The following WDR72 variants were observed in gnomAD, a reference collection of about 807,000 sequenced individuals.
WDR72 encodes the protein WD repeat domain 72.
In WDR72, 120 loss-of-function variants were observed where a neutral mutation model predicts 124.2. The observed-to-expected ratio is 0.97, with a 90% CI of 0.83 to 1.12. The LOEUF (loss-of-function observed/expected upper bound fraction) is 1.12, where lower values mean the gene tolerates loss of function less well. Among genes scored for constraint, WDR72 ranks in the 50% most tolerant of loss-of-function variants. The pLI is 0.00. For missense variants in WDR72, 1,387 were observed against 1,278.8 expected (o/e 1.08, Z -1.29); for synonymous variants, 452 against 441.7 (o/e 1.02, Z -0.29).
chr15:53,642,334 C>T lies in WDR72; in HGVS notation c.1962+23238G>A, dbSNP rs965402454. On this transcript the variant is annotated intron_variant, in intron 14 of 19. Coordinates refer to ENST00000360509, the MANE Select transcript of WDR72 (RefSeq NM_182758.4). ...TCTAACCAGGGTAGATCTTTATGTA[C>T]TGATACTGAAAGATGTCTGCCAAAT... Among the ~76,000 whole-genome samples the T allele has an allele frequency of 2.6e-5, 4 of 151,956 alleles. No homozygotes were observed. In the East Asian group the frequency reaches 5.8e-4, roughly 22 times the overall value.
At chr15:53,611,180 T>C (rs925832883) in intron 16 of WDR72, among the ~76,000 whole-genome samples, 82 of 152,176 alleles carry the variant, frequency 5.4e-4, no homozygotes, top group Non-Finnish European at 9.6e-4. Context: ...TTTTATTCTT[T>C]AGGATTTGGC....
chr15:53,634,273 C>T (rs755796237), intron 14 of WDR72, among the ~76,000 whole-genome samples: 6 of 152,120 alleles, frequency 3.9e-5, no homozygotes, highest in Non-Finnish European at 5.9e-5. Context: ...ACAGTGAATT[C>T]CCTGGGTTTT....
In WDR72 at chr15:53,706,539, G is replaced by A. The variant is rs544321222; in HGVS notation, c.955-465C>T. ...ATGAAGAGATTGATTTGTCTAAGGC[G>A]ATTAGAAGAAGCAATGGGCTTTGAG... is the stretch of plus-strand genomic sequence containing the variant. On this transcript the variant is annotated intron_variant, in intron 9 of 19. Coordinates refer to ENST00000360509, the MANE Select transcript of WDR72 (RefSeq NM_182758.4). 2.4e-4 allele frequency among the ~76,000 whole-genome samples: 36 copies of A among 151,552 alleles called. No individual in the cohort carries two copies. In the South Asian group the frequency reaches 2.7e-3, roughly 11 times the overall value.
Position 53,608,509 on chromosome 15 carries a change from C to CT in WDR72, c.2952+1003dup, listed in dbSNP as rs547599792. Among the ~76,000 whole-genome samples the CT allele has an allele frequency of 4.7e-3, 709 of 152,228 alleles. 5 individuals are homozygous for CT. The highest frequency in any genetic ancestry group is 0.016 in the African/African-American group (678 of 41,548). Reference sequence around the variant, plus strand: ...ATGGCACACACTTGTAATCCTAGCACTTTGGAAGGCTGAGGTGGGAGGATC... The same window carrying CT: ...ATGGCACACACTTGTAATCCTAGCACTTTTGGAAGGCTGAGGTGGGAGGATC... On this transcript the variant is annotated intron_variant, in intron 17 of 19. Coordinates refer to ENST00000360509, the MANE Select transcript of WDR72 (RefSeq NM_182758.4).
rs145288193 is a variant in WDR72 at position 53,711,410 on chromosome 15, T to C, written c.783A>G (p.Gly261=). ...GGATTCTGTGAGCAGCAATCACTTCTCCACCAGCAAAGAACTGCCCATTTC... is the reference window on the plus strand; with the variant it reads ...GGATTCTGTGAGCAGCAATCACTTCCCCACCAGCAAAGAACTGCCCATTTC... ...VSRNGQFFAG[G]EVIAAHRILI... The change falls in exon 8 of 20, where the codon GGA becomes GGG. Residue 261 remains glycine (G), a synonymous_variant. Transcript: ENST00000360509. 23 of 1,614,042 alleles carry C rather than the reference T, an allele frequency of 1.4e-5. No individual in the cohort carries two copies. The highest frequency in any genetic ancestry group is 1.9e-5 in the Non-Finnish European group (22 of 1,180,034).
Position 53,515,038 on chromosome 15 carries a change from TGTG to T in WDR72, c.*2658_*2660del, listed in dbSNP as rs1891369599. On this transcript the variant is annotated 3_prime_UTR_variant, in exon 20 of 20. Coordinates refer to ENST00000360509, the MANE Select transcript of WDR72 (RefSeq NM_182758.4). ...ATATATATATATACACACATATATA[TGTG>T]TATATATATGTGTGTATATATATAC... 7.5e-5 allele frequency: 11 copies of T among 145,994 alleles called. No homozygotes were observed. Among genetic ancestry groups the T allele is most frequent in the African/African-American group, 2.7e-4 (11 of 40,568 alleles). 9.0% of individuals were successfully genotyped at this position (145,994 alleles called of 1,614,324 possible). A position where few individuals can be genotyped will look rare whatever the true frequency, so the allele number is the denominator to read the frequency against.
chr15:53,688,096 A>C (rs1315640635), intron 13 of WDR72, among the ~76,000 whole-genome samples: 1 of 148,570 alleles, frequency 6.7e-6, no homozygotes, highest in Admixed American at 6.6e-5. Flanking sequence ...ACAAACCCAC[A>C]GCCGATATCA....
chr15:53,609,985 T>G (rs973554226), intron 16 of WDR72, among the ~76,000 whole-genome samples: 1 of 152,118 alleles, frequency 6.6e-6, no homozygotes, highest in African/African-American at 2.4e-5. Flanking sequence ...CACCAAATCT[T>G]ACAATTCCTT....
At chr15:53,534,255 C>T (rs1034278543) in intron 18 of WDR72, among the ~76,000 whole-genome samples, 9 of 152,112 alleles carry the variant, frequency 5.9e-5, no homozygotes, top group African/African-American at 1.9e-4. Context: ...AAGAAGTCTA[C>T]TTTATTTGCA....
intron 14 of WDR72, among the ~76,000 whole-genome samples, chr15:53,632,668 C>T (rs2014475943): frequency 6.6e-6 from 1 of 152,244 alleles, no homozygotes; most frequent in African/African-American, 2.4e-5. Flanking sequence ...CCCTGGGAAG[C>T]CACAGGGGTG....
At chr15:53,530,994 T>C (rs1892427193) in intron 18 of WDR72, among the ~76,000 whole-genome samples, 1 of 152,054 alleles carries the variant, frequency 6.6e-6, no homozygotes, top group South Asian at 2.1e-4. Flanking sequence ...GGAAAGCGTT[T>C]GTCTCAGATG....
intron 1 of WDR72, among the ~76,000 whole-genome samples, chr15:53,741,096 A>G (rs1165756166): frequency 6.6e-6 from 1 of 152,190 alleles, no homozygotes. Context: ...GAGGGCAGAG[A>G]CTTCTGTCTC....
intron 18 of WDR72, among the ~76,000 whole-genome samples, chr15:53,537,571 T>C (rs935114452): frequency 2.0e-5 from 3 of 152,170 alleles, no homozygotes; most frequent in African/African-American, 7.2e-5. Flanking sequence ...ATTTATAAAA[T>C]AGCAATAGTG....
intron 14 of WDR72, among the ~76,000 whole-genome samples, chr15:53,620,968 T>G (rs534440457): frequency 1.3e-5 from 2 of 151,632 alleles, no homozygotes; most frequent in Non-Finnish European, 2.9e-5. Flanking sequence ...ATACAAACAA[T>G]TCCATCAAAA....
At chr15:53,645,239 C>T (rs1373778570) in intron 14 of WDR72, among the ~76,000 whole-genome samples, 1 of 152,098 alleles carries the variant, frequency 6.6e-6, no homozygotes, top group Non-Finnish European at 1.5e-5. Flanking sequence ...TTGAAGCAAT[C>T]TCAGCTGAAC....
At chr15:53,708,691 C>CCAT (rs958032580) in intron 9 of WDR72, among the ~76,000 whole-genome samples, 2 of 152,098 alleles carry the variant, frequency 1.3e-5, no homozygotes. Context: ...ATCATCATCA[C>CCAT]CATCATCATC....
chr15:53,597,331 T>C (rs1388843527), intron 17 of WDR72, 57 bp from the exon 18 acceptor site: 37 of 1,567,394 alleles, frequency 2.4e-5, no homozygotes, highest in Non-Finnish European at 2.9e-5. Context: ...TGCTTGGGTA[T>C]GTTGCAAAAA....
At chr15:53,685,645 T>A (rs1302086811) in intron 13 of WDR72, among the ~76,000 whole-genome samples, 1 of 150,754 alleles carries the variant, frequency 6.6e-6, no homozygotes, top group Admixed American at 6.6e-5. Context: ...CTGCAGGATA[T>A]TATCCAGGAG....
At chr15:53,592,182 C>T (rs79332930) in intron 18 of WDR72, among the ~76,000 whole-genome samples, 1,626 of 152,150 alleles carry the variant, frequency 0.011, 7 homozygotes, top group Non-Finnish European at 0.018. Context: ...CTACCACATA[C>T]GAGGCCTTCT....
Sources: allele counts gnomAD v4.1 joint callset (sites outside exome capture counted in the v4.1 genomes callset), GRCh38; gene constraint gnomAD v4.1.1; transcripts MANE v1.5; gene names NCBI Gene and HGNC (gene_info 2026-07-23, HGNC 2026-07-21).